Variants in PCOLCE2 observed in about 807,000 individuals in gnomAD.
PCOLCE2 encodes the protein procollagen C-endopeptidase enhancer 2, also known as procollagen C-proteinase enhancer 2.
A neutral mutation model predicts 47.0 loss-of-function variants in PCOLCE2; 42 were observed. The observed-to-expected ratio is 0.89, with a 90% CI of 0.70 to 1.16. The LOEUF (loss-of-function observed/expected upper bound fraction) is 1.16. Among genes scored for constraint, PCOLCE2 ranks in the 50% most tolerant of loss-of-function variants. The pLI, the probability that PCOLCE2 is intolerant of heterozygous loss-of-function variation, is 0.00. For missense variants in PCOLCE2, 500 were observed against 526.1 expected (o/e 0.95, Z 0.49); for synonymous variants, 169 against 191.7 (o/e 0.88, Z 0.98).
chr3:142,827,026 C>A, intron 6 of PCOLCE2: 1 of 813,148 alleles, frequency 1.2e-6, no homozygotes, highest in Admixed American at 2.0e-5. Flanking sequence ...ATCATTGTTT[C>A]AACTATCTAT....
chr3:142,849,145 T>C (rs111899514), intron 2 of PCOLCE2, among the ~76,000 whole-genome samples: 4 of 103,730 alleles, frequency 3.9e-5, no homozygotes, highest in African/African-American at 1.4e-4. Flanking sequence ...AGAGCGAGAC[T>C]CCACCTCAAA....
At chr3:142,857,236 G>C (rs945584886) in intron 2 of PCOLCE2, among the ~76,000 whole-genome samples, 2 of 152,222 alleles carry the variant, frequency 1.3e-5, no homozygotes, top group African/African-American at 4.8e-5. Context: ...AATGCTTGGA[G>C]ACTGGAAGGA....
chr3:142,855,180 C>A (rs558459578), intron 2 of PCOLCE2, among the ~76,000 whole-genome samples: 1 of 152,260 alleles, frequency 6.6e-6, no homozygotes, highest in South Asian at 2.1e-4. Context: ...GATCACACAG[C>A]CCTCTTATTT....
chr3:142,843,309 C>G (rs1409971508), intron 3 of PCOLCE2: 1 of 521,554 alleles, frequency 1.9e-6, no homozygotes, highest in African/African-American at 1.9e-5. Context: ...CTTTTTTTTT[C>G]CTTAGACAAG....
At chr3:142,879,062 T>C (rs1193217186) in intron 2 of PCOLCE2, among the ~76,000 whole-genome samples, 1 of 152,206 alleles carries the variant, frequency 6.6e-6, no homozygotes, top group Non-Finnish European at 1.5e-5. Context: ...TCAAGGGATA[T>C]AAAAGTAATT....
intron 6 of PCOLCE2, chr3:142,827,620 G>A: frequency 1.4e-6 from 2 of 1,472,136 alleles, no homozygotes; most frequent in Non-Finnish European, 1.9e-6. Flanking sequence ...ACTGGCCCGT[G>A]TGAATGCCCT....
At chr3:142,850,600 G>A (rs1430856829) in intron 2 of PCOLCE2, among the ~76,000 whole-genome samples, 4 of 152,172 alleles carry the variant, frequency 2.6e-5, no homozygotes, top group African/African-American at 9.7e-5. Flanking sequence ...GTTAAGTGCT[G>A]CTGCTGAGAA....
Position 142,866,690 on chromosome 3 carries a change from A to G in PCOLCE2, c.193-18218T>C, listed in dbSNP as rs145067948. Among the ~76,000 whole-genome samples the G allele has an allele frequency of 8.6e-3, 1,314 of 152,346 alleles. 12 individuals are homozygous for G. The highest frequency in any genetic ancestry group is 0.03 in the African/African-American group (1,255 of 41,574). On this transcript the variant is annotated intron_variant, in intron 2 of 8. Transcript: ENST00000295992. ...AAAAGCTAAAATTATAAGCTTCTAC[A>G]AAAAACACAGATATATTACAGGAGT...
chr3:142,855,386 T>C (rs1439561315), intron 2 of PCOLCE2, among the ~76,000 whole-genome samples: 2 of 152,156 alleles, frequency 1.3e-5, no homozygotes, highest in Non-Finnish European at 2.9e-5. Context: ...CACATACTTT[T>C]ATATAAAAAT....
chr3:142,852,729 G>A (rs1293368126), intron 2 of PCOLCE2, among the ~76,000 whole-genome samples: 1 of 147,750 alleles, frequency 6.8e-6, no homozygotes, highest in African/African-American at 2.5e-5. Context: ...AAGTATTTAT[G>A]TATATGTGTA....
At chr3:142,820,097 A>G (rs1936995446) in intron 8 of PCOLCE2, among the ~76,000 whole-genome samples, 1 of 150,210 alleles carries the variant, frequency 6.7e-6, no homozygotes. Context: ...ACTTTCTGGA[A>G]GGAACTTAAA....
chr3:142,873,122 GTGGCTCACA>G (rs1380863338), intron 2 of PCOLCE2, among the ~76,000 whole-genome samples: 9 of 152,114 alleles, frequency 5.9e-5, no homozygotes, highest in Admixed American at 5.9e-4. Flanking sequence ...GCTGGGCGCA[GTGGCTCACA>G]CCTGTTATCC....
rs750120878 is a variant in PCOLCE2 at position 142,821,025 on chromosome 3, T to C, written c.970A>G (p.Thr324Ala). The C allele has an allele frequency of 1.9e-6, 3 of 1,611,160 alleles. No individual in the cohort carries two copies. Among genetic ancestry groups the C allele is most frequent in the African/African-American group, 2.7e-5 (2 of 74,890 alleles). The change falls in exon 8 of 9, where the codon ACA becomes GCA. Residue 324 changes from threonine to alanine, a missense_variant. Physicochemically the swap from Thr to Ala is moderately conservative, Grantham distance 58. Coordinates refer to ENST00000295992, the MANE Select transcript of PCOLCE2 (RefSeq NM_013363.4). ...AAACTCCCATCGCGAGTGATGGTTG[T>C]GATAACAGTGCCGGCTAATACTGCA... ...SDFVLAGTVITTITRDGSLHA... is the reference protein window; with the variant it reads ...SDFVLAGTVIATITRDGSLHA...
chr3:142,860,627 CA>C (rs1365121194), intron 2 of PCOLCE2, among the ~76,000 whole-genome samples: 1 of 152,168 alleles, frequency 6.6e-6, no homozygotes, highest in Non-Finnish European at 1.5e-5. Flanking sequence ...AGGCTGGTCT[CA>C]AACTCCTGAC....
At chr3:142,838,352 C>T (rs187059573) in intron 5 of PCOLCE2, among the ~76,000 whole-genome samples, 144 of 152,118 alleles carry the variant, frequency 9.5e-4, no homozygotes, top group Admixed American at 2.0e-3. Context: ...ATCATCAGGG[C>T]GGTTTCTCAT....
chr3:142,851,459 C>G (rs1197508867), intron 2 of PCOLCE2, among the ~76,000 whole-genome samples: 1 of 152,042 alleles, frequency 6.6e-6, no homozygotes, highest in African/African-American at 2.4e-5. Flanking sequence ...GAGTTGAAGA[C>G]ATAGGCAAGG....
chr3:142,856,204 C>T (rs1179843239), intron 2 of PCOLCE2, among the ~76,000 whole-genome samples: 2 of 152,102 alleles, frequency 1.3e-5, no homozygotes, highest in African/African-American at 2.4e-5. Context: ...ACCTCACTTT[C>T]GAGTAGACGT....
intron 6 of PCOLCE2, among the ~76,000 whole-genome samples, chr3:142,825,479 G>A (rs919881603): frequency 1.3e-5 from 2 of 152,020 alleles, no homozygotes; most frequent in Admixed American, 6.5e-5. Flanking sequence ...CGCAGTCCCC[G>A]TGGCCTCATC....
At chr3:142,834,597 A>G (rs915451906) in intron 5 of PCOLCE2, among the ~76,000 whole-genome samples, 4 of 152,222 alleles carry the variant, frequency 2.6e-5, no homozygotes, top group African/African-American at 7.2e-5. Context: ...AAATAACATA[A>G]GTCCACAAGT....
Sources: allele counts gnomAD v4.1 joint callset (sites outside exome capture counted in the v4.1 genomes callset), GRCh38; gene constraint gnomAD v4.1.1; transcripts MANE v1.5; gene names NCBI Gene and HGNC (gene_info 2026-07-23, HGNC 2026-07-21).